IP6K1: variants seen among roughly 807,000 people sequenced by gnomAD.
IP6K1 encodes inositol hexakisphosphate kinase 1, also known as ATP:1D-myo-inositol-hexakisphosphate phosphotransferase.
Under a neutral mutation model 38.3 loss-of-function variants are expected in IP6K1, and 13 were observed. The observed-to-expected ratio is 0.34, with a 90% CI of 0.22 to 0.54. The LOEUF (loss-of-function observed/expected upper bound fraction) is 0.54, where lower values mean the gene tolerates loss of function less well. Ranked by LOEUF, IP6K1 falls within the 20% of genes least tolerant of loss-of-function variation. The probability of loss-of-function intolerance (pLI) is 0.92; values close to 1 mark genes in which losing one functional copy is unlikely to be tolerated. For synonymous variants in IP6K1, 212 were observed against 229.9 expected (o/e 0.92, Z 0.70); for missense variants, 397 against 599.8 (o/e 0.66, Z 3.53).
intron 1 of IP6K1, among the ~76,000 whole-genome samples, chr3:49,756,006 T>C (rs2080819501): frequency 6.6e-6 from 1 of 152,188 alleles, no homozygotes; most frequent in Non-Finnish European, 1.5e-5. Context: ...TCAACCCTAC[T>C]TGGAACCTAC....
At chr3:49,769,974 G>A (rs759005452) in intron 1 of IP6K1, among the ~76,000 whole-genome samples, 2 of 152,160 alleles carry the variant, frequency 1.3e-5, no homozygotes, top group African/African-American at 4.8e-5. Flanking sequence ...AACACTTTGG[G>A]AGGCCAACAG....
At chr3:49,758,930 G>A (rs2080846460) in intron 1 of IP6K1, among the ~76,000 whole-genome samples, 1 of 148,588 alleles carries the variant, frequency 6.7e-6, no homozygotes, top group Non-Finnish European at 1.5e-5. Context: ...CTGGATGACA[G>A]AGCGAGACTC....
chr3:49,742,992 C>T (rs2080684561), intron 2 of IP6K1, among the ~76,000 whole-genome samples: 1 of 152,050 alleles, frequency 6.6e-6, no homozygotes, highest in African/African-American at 2.4e-5. Context: ...CTTTGGGAGG[C>T]CAAGGCAAGT....
chr3:49,729,202 T>G (rs2080541589), intron 4 of IP6K1, among the ~76,000 whole-genome samples: 1 of 152,152 alleles, frequency 6.6e-6, no homozygotes, highest in African/African-American at 2.4e-5. Context: ...TATACAGTAT[T>G]TGTCATTTTA....
chr3:49,780,795 A>AT (rs1348010538), intron 1 of IP6K1, among the ~76,000 whole-genome samples: 1 of 152,126 alleles, frequency 6.6e-6, no homozygotes, highest in African/African-American at 2.4e-5. Context: ...TGCCTCTATA[A>AT]AGCACTAGAG....
intron 4 of IP6K1, among the ~76,000 whole-genome samples, chr3:49,728,920 C>T (rs909053491): frequency 3.3e-5 from 5 of 151,120 alleles, no homozygotes; most frequent in Non-Finnish European, 7.4e-5. Flanking sequence ...CTCTCACCCT[C>T]AGCCTCTGGA....
At chr3:49,756,752 T>G (rs1575318024) in intron 1 of IP6K1, among the ~76,000 whole-genome samples, 2 of 145,568 alleles carry the variant, frequency 1.4e-5, no homozygotes, top group African/African-American at 2.6e-5. Context: ...AAGGCAGAGG[T>G]TTAGGTGAGC....
intron 1 of IP6K1, among the ~76,000 whole-genome samples, chr3:49,760,254 CA>C (rs1265908150): frequency 1.3e-5 from 2 of 152,184 alleles, no homozygotes; most frequent in Non-Finnish European, 2.9e-5. Context: ...ACCTCATAGA[CA>C]ACCCATAGTT....
intron 2 of IP6K1, 94 bp downstream of exon 2, chr3:49,747,724 A>G (rs537011810): frequency 1.3e-6 from 2 of 1,528,576 alleles, no homozygotes; most frequent in Admixed American, 4.0e-5. Context: ...AAGACCTACA[A>G]TGATATATCA....
At chr3:49,750,404 A>G (rs577425460) in intron 1 of IP6K1, among the ~76,000 whole-genome samples, 1 of 152,306 alleles carries the variant, frequency 6.6e-6, no homozygotes, top group Admixed American at 6.5e-5. Context: ...GAGGAGAGTC[A>G]AGGAAATAGG....
chr3:49,783,811 C>T lies in IP6K1; in HGVS notation c.-129+2543G>A, dbSNP rs2081088760. Among the ~76,000 whole-genome samples the T allele has an allele frequency of 4.0e-5, 6 of 151,384 alleles. No individual in the cohort carries two copies. The South Asian group carries it at 1.3e-3, about 32-fold the overall frequency. ...CTGGTCTTACCAAGATTATAATGAA[C>T]TAAAGATTCAAAAAATGGCCCTGAA... On this transcript the variant is annotated intron_variant, in intron 1 of 5. Coordinates refer to ENST00000321599, the MANE Select transcript of IP6K1 (RefSeq NM_153273.4).
chr3:49,745,853 C>CAAA (rs1182788414), intron 2 of IP6K1, among the ~76,000 whole-genome samples: 2 of 56,952 alleles, frequency 3.5e-5, no homozygotes, highest in African/African-American at 1.3e-4. Context: ...GACTCTGTCT[C>CAAA]AAAAAAAAAA....
Position 49,738,322 on chromosome 3 carries a change from T to C in IP6K1, c.324A>G (p.Thr108=), listed in dbSNP as rs773693294. 1.9e-6 allele frequency: 3 copies of C among 1,614,216 alleles called. No homozygotes were observed. The East Asian group carries it at 6.7e-5, about 36-fold the overall frequency. The part of the protein sequence containing the change: ...ESETVEQDDT[T]EREQPRRKHS... ...GTTTGCGCCGAGGTTGCTCCCGTTC[T>C]GTTGTGTCATCCTGTTCCACAGTCT... Residue 108 remains threonine (T), a synonymous_variant, in exon 3 of 6, where the codon ACA becomes ACG. Coordinates refer to ENST00000321599, the MANE Select transcript of IP6K1 (RefSeq NM_153273.4).
chr3:49,747,342 T>G (rs2080729341), intron 2 of IP6K1, among the ~76,000 whole-genome samples: 1 of 152,228 alleles, frequency 6.6e-6, no homozygotes, highest in African/African-American at 2.4e-5. Flanking sequence ...AAATAAATTA[T>G]TTTTCCTTCA....
At chr3:49,731,033 T>C (rs1421612903) in intron 4 of IP6K1, among the ~76,000 whole-genome samples, 1 of 151,690 alleles carries the variant, frequency 6.6e-6, no homozygotes, top group African/African-American at 2.4e-5. Flanking sequence ...GTCACTCAAT[T>C]TGAAACCAGT....
At chr3:49,739,544 C>T (rs956587294) in intron 2 of IP6K1, among the ~76,000 whole-genome samples, 8 of 151,522 alleles carry the variant, frequency 5.3e-5, no homozygotes, top group South Asian at 4.2e-4. Context: ...TTAGTAGAGA[C>T]GGGGTTTCAC....
At chr3:49,782,346 T>G (rs35474403) in intron 1 of IP6K1, among the ~76,000 whole-genome samples, 41,640 of 151,724 alleles carry the variant, frequency 0.27, 5,976 homozygotes, top group Non-Finnish European at 0.31. Context: ...AATCTTTGTA[T>G]TTTTAGTAGA....
rs569280911 is a variant in IP6K1 at position 49,727,798 on chromosome 3, T to A, written c.793-143A>T. 1 of 868,314 alleles carries A rather than the reference T, an allele frequency of 1.2e-6. No individual in the cohort carries two copies. The highest frequency in any genetic ancestry group is 2.7e-5 in the East Asian group (1 of 37,564). 53.8% of individuals were successfully genotyped at this position (868,314 alleles called of 1,614,324 possible). A position where few individuals can be genotyped will look rare whatever the true frequency, so the allele number is the denominator to read the frequency against. Reference sequence around the variant, plus strand: ...TCTAAGTGGAACCAGGCAGGCCACATTCACCCTGGGTTTTCCCATTGCAGA... The same window carrying A: ...TCTAAGTGGAACCAGGCAGGCCACAATCACCCTGGGTTTTCCCATTGCAGA... On this transcript the variant is annotated intron_variant, in intron 5 of 5. Coordinates refer to ENST00000321599, the MANE Select transcript of IP6K1 (RefSeq NM_153273.4). The surrounding 1 kb of genome is among the most constrained non-coding windows in gnomAD (Gnocchi z 5.9).
At chr3:49,734,923 G>A (rs2080594296) in intron 3 of IP6K1, among the ~76,000 whole-genome samples, 1 of 152,184 alleles carries the variant, frequency 6.6e-6, no homozygotes. Context: ...GTCAGTACAG[G>A]TAGAGCTGTC....
Sources: allele counts gnomAD v4.1 joint callset (sites outside exome capture counted in the v4.1 genomes callset), GRCh38; gene constraint gnomAD v4.1.1; non-coding constraint Gnocchi (gnomAD v3.1); transcripts MANE v1.5; gene names NCBI Gene and HGNC (gene_info 2026-07-23, HGNC 2026-07-21).